The following MICU1 variants were observed in gnomAD, a reference collection of about 807,000 sequenced individuals.
The protein encoded by MICU1 is mitochondrial calcium uptake 1.
Under a neutral mutation model 56.8 loss-of-function variants are expected in MICU1, and 45 were observed. The observed-to-expected ratio is 0.79, with a 90% CI of 0.62 to 1.02. The LOEUF is 1.02. Ranked by LOEUF, MICU1 falls within the 50% of genes least tolerant of loss-of-function variation. The pLI is 0.00. For missense variants in MICU1, 504 were observed against 587.1 expected, an observed-to-expected ratio of 0.86 and a Z score of 1.46; for synonymous variants, 186 against 195.1, an observed-to-expected ratio of 0.95 and a Z score of 0.39.
At chr10:72,456,103 A>T (rs1480635100) in intron 8 of MICU1, among the ~76,000 whole-genome samples, 1 of 152,198 alleles carries the variant, frequency 6.6e-6, no homozygotes, top group African/African-American at 2.4e-5. Context: ...TGTGGCAACT[A>T]TGAACAGCAC....
At chr10:72,596,116 G>C (rs1306194773) in intron 1 of MICU1, among the ~76,000 whole-genome samples, 1 of 151,702 alleles carries the variant, frequency 6.6e-6, no homozygotes. Context: ...CTCCCCAGTA[G>C]CTGGGATTAC....
intron 8 of MICU1, among the ~76,000 whole-genome samples, chr10:72,471,046 C>A (rs1269839578): frequency 6.6e-6 from 1 of 152,096 alleles, no homozygotes; most frequent in Non-Finnish European, 1.5e-5. Context: ...GCATGAAACC[C>A]CTAATCTGCT....
intron 6 of MICU1, among the ~76,000 whole-genome samples, chr10:72,485,791 G>C (rs993903729): frequency 6.6e-6 from 1 of 151,950 alleles, no homozygotes; most frequent in South Asian, 2.1e-4. Flanking sequence ...ACTGAGTGGG[G>C]AGAAGAAAGT....
In MICU1 at chr10:72,368,294, G is replaced by T; in HGVS notation, c.1332C>A (p.Gly444=). The T allele has an allele frequency of 6.2e-7, 1 of 1,613,992 alleles. No homozygotes were observed. Among genetic ancestry groups the T allele is most frequent in the South Asian group, 1.1e-5 (1 of 91,088 alleles). Residue 444 remains glycine (G), a synonymous_variant, in exon 12 of 12, where the codon GGC becomes GGA. Coordinates refer to ENST00000361114, the MANE Select transcript of MICU1 (RefSeq NM_001195518.2). The part of the protein sequence containing the change: ...VSIMKQRLMR[G]LEKPKDMGFT... ...AACCCATGTCTTTGGGCTTTTCCAG[G>T]CCTCTCATCAGCCGTTGCTTCATGA...
rs4262652 is a variant in MICU1 at position 72,368,095 on chromosome 10, G to A, written c.*100C>T. 760,441 of 1,261,036 alleles carry A rather than the reference G, an allele frequency of 0.6. 236,303 individuals carry two copies. Among genetic ancestry groups the A allele is most frequent in the Non-Finnish European group, 0.65 (595,343 of 911,756 alleles). 78.1% of individuals were successfully genotyped at this position (1,261,036 alleles called of 1,614,324 possible). A position where few individuals can be genotyped will look rare whatever the true frequency, so the allele number is the denominator to read the frequency against. On this transcript the variant is annotated 3_prime_UTR_variant, in exon 12 of 12. Transcript: ENST00000361114. ...CCTGAGGTCATCCCGGGAGGAAGGG[G>A]GACTACTTCCAGAAGCAGCAGCACA...
chr10:72,584,457 A>C (rs971347616), intron 1 of MICU1, among the ~76,000 whole-genome samples: 2 of 152,250 alleles, frequency 1.3e-5, no homozygotes, highest in Non-Finnish European at 2.9e-5. Flanking sequence ...CAGATCATAA[A>C]TAAGGTTTCA....
At chr10:72,523,855 T>C (rs998128062) in intron 5 of MICU1, 1 of 1,524,860 alleles carries the variant, frequency 6.6e-7, no homozygotes, top group African/African-American at 1.4e-5. Flanking sequence ...ATATATTCTT[T>C]TCATGGTTTT....
chr10:72,580,842 C>T (rs931594966), intron 1 of MICU1, among the ~76,000 whole-genome samples: 1 of 152,102 alleles, frequency 6.6e-6, no homozygotes, highest in African/African-American at 2.4e-5. Flanking sequence ...CATTCATTTC[C>T]CTATGGAAAA....
chr10:72,477,474 A>T, intron 6 of MICU1: 1 of 1,520,970 alleles, frequency 6.6e-7, no homozygotes, highest in Non-Finnish European at 8.8e-7. Flanking sequence ...TACGGCCAGT[A>T]AAGACAGCAC....
Position 72,367,568 on chromosome 10 carries a change from C to T in MICU1, c.*627G>A, listed in dbSNP as rs1186414719. 1 of 152,564 alleles carries T rather than the reference C, an allele frequency of 6.6e-6. No homozygotes were observed. Among genetic ancestry groups the T allele is most frequent in the African/African-American group, 2.4e-5 (1 of 41,436 alleles). The allele number at this position is 152,564 out of a possible 1,614,324, so 9.5% of individuals were successfully genotyped here. A position where few individuals can be genotyped will look rare whatever the true frequency, so the allele number is the denominator to read the frequency against. On this transcript the variant is annotated 3_prime_UTR_variant, in exon 12 of 12. Coordinates refer to ENST00000361114, the MANE Select transcript of MICU1 (RefSeq NM_001195518.2). ...AGGAAGAAAAGGGAGTGCACAGAGC[C>T]ATGAAGCAACTACTTTAAATTCTGA...
intron 9 of MICU1, among the ~76,000 whole-genome samples, chr10:72,408,404 G>A (rs922278343): frequency 1.3e-5 from 2 of 152,078 alleles, no homozygotes; most frequent in Non-Finnish European, 2.9e-5. Flanking sequence ...CGCCTCCTAC[G>A]TTCAAGCAAT....
At chr10:72,466,963 A>G (rs1345421200) in intron 8 of MICU1, among the ~76,000 whole-genome samples, 2 of 151,752 alleles carry the variant, frequency 1.3e-5, no homozygotes, top group Non-Finnish European at 2.9e-5. Flanking sequence ...GCTCCTTGAT[A>G]TTTAACTTAA....
chr10:72,380,208 C>T (rs1322111022), intron 10 of MICU1, among the ~76,000 whole-genome samples: 2 of 152,162 alleles, frequency 1.3e-5, no homozygotes, highest in African/African-American at 4.8e-5. Context: ...GTTGGGATTC[C>T]AGCTCCCAAT....
At chr10:72,510,779 C>G (rs1441216102) in intron 5 of MICU1, among the ~76,000 whole-genome samples, 1 of 152,050 alleles carries the variant, frequency 6.6e-6, no homozygotes, top group Admixed American at 6.6e-5. Context: ...ATTACAGATG[C>G]ACACCACCAC....
At chr10:72,579,737 T>C (rs534601016) in intron 1 of MICU1, among the ~76,000 whole-genome samples, 1 of 152,336 alleles carries the variant, frequency 6.6e-6, no homozygotes, top group South Asian at 2.1e-4. Context: ...TGCAATCTCA[T>C]GATAACAAGG....
At chr10:72,409,838 T>C (rs572892602) in intron 9 of MICU1, among the ~76,000 whole-genome samples, 5 of 152,272 alleles carry the variant, frequency 3.3e-5, no homozygotes, top group African/African-American at 1.2e-4. Context: ...GTACAACTTA[T>C]CAAACTCTTG....
At chr10:72,617,936 TG>T in intron 1 of MICU1, among the ~76,000 whole-genome samples, 1 of 152,218 alleles carries the variant, frequency 6.6e-6, no homozygotes, top group East Asian at 1.9e-4. Context: ...GAGGCCAAGG[TG>T]GGCAGATTAC....
intron 8 of MICU1, among the ~76,000 whole-genome samples, chr10:72,459,436 T>A (rs962546840): frequency 6.6e-6 from 1 of 152,208 alleles, no homozygotes; most frequent in Non-Finnish European, 1.5e-5. Flanking sequence ...AAAACATTTT[T>A]TACAGCTGTC....
intron 10 of MICU1, 115 bp downstream of exon 10, chr10:72,407,814 C>G: frequency 1.6e-6 from 1 of 633,212 alleles, no homozygotes; most frequent in Admixed American, 3.1e-5. Context: ...ATCAAAACAC[C>G]ATTTCAAGGA....
Sources: gnomAD v4.1 joint callset for allele counts (sites outside exome capture counted in the v4.1 genomes callset) on GRCh38, gnomAD v4.1.1 for gene constraint, MANE v1.5 for transcripts, NCBI Gene and HGNC (gene_info 2026-07-23, HGNC 2026-07-21) for gene names.